TOP6BL: variants seen among roughly 807,000 people sequenced by gnomAD.
TOP6BL encodes the protein type 2 DNA topoisomerase 6 subunit B-like.
the TOP6BL span, among the ~76,000 whole-genome samples, chr11:66,798,035 G>A: frequency 9.9e-5 from 15 of 152,144 alleles, no homozygotes; most frequent in African/African-American, 3.1e-4. Flanking sequence ...ATCATCATCC[G>A]CATTTTGTAG....
At chr11:66,821,776 T>C in the TOP6BL span, 6 of 1,612,396 alleles carry the variant, frequency 3.7e-6, no homozygotes, top group Non-Finnish European at 5.1e-6. Flanking sequence ...TAATAAGGAA[T>C]TCACAGCCTC....
the TOP6BL span, among the ~76,000 whole-genome samples, chr11:66,802,277 T>A: frequency 6.6e-6 from 1 of 152,176 alleles, no homozygotes; most frequent in African/African-American, 2.4e-5. Context: ...CTCAATCTCC[T>A]GAGTAGCTGG....
At chr11:66,800,929 A>G in the TOP6BL span, 11 of 1,249,056 alleles carry the variant, frequency 8.8e-6, no homozygotes, top group Admixed American at 2.0e-5. Context: ...ACTGAATTCT[A>G]GTAATCGCTG....
At chr11:66,842,841 T>C in the TOP6BL span, 2 of 1,554,318 alleles carry the variant, frequency 1.3e-6, no homozygotes, top group Middle Eastern at 1.8e-4. Flanking sequence ...GGCTTGTTTT[T>C]CTCCTAGATA....
At chr11:66,788,897 A>G in the TOP6BL span, among the ~76,000 whole-genome samples, 1 of 152,110 alleles carries the variant, frequency 6.6e-6, no homozygotes, top group Non-Finnish European at 1.5e-5. Context: ...AGCTGGGACT[A>G]CAGGTGGGAA....
chr11:66,805,391 G>A, the TOP6BL span, among the ~76,000 whole-genome samples: 2 of 152,040 alleles, frequency 1.3e-5, no homozygotes, highest in African/African-American at 4.8e-5. Context: ...AATGTCTAAG[G>A]TTGATGTCAG....
At chr11:66,759,440 G>A in the TOP6BL span, among the ~76,000 whole-genome samples, 1 of 152,060 alleles carries the variant, frequency 6.6e-6, no homozygotes, top group Admixed American at 6.6e-5. Context: ...AATTTTAGTA[G>A]GTATTTGTTT....
chr11:66,843,125 C>G, the TOP6BL span: 1 of 1,604,456 alleles, frequency 6.2e-7, no homozygotes, highest in African/African-American at 1.3e-5. Context: ...AGGCCACGGG[C>G]CGCTGCTGAG....
At chr11:66,788,990 C>A in the TOP6BL span, among the ~76,000 whole-genome samples, 6 of 152,102 alleles carry the variant, frequency 3.9e-5, no homozygotes, top group Non-Finnish European at 8.8e-5. Flanking sequence ...ACCCTTGTGA[C>A]CTCATTTAAT....
chr11:66,818,294 C>T, the TOP6BL span, among the ~76,000 whole-genome samples: 1 of 152,188 alleles, frequency 6.6e-6, no homozygotes, highest in Non-Finnish European at 1.5e-5. Context: ...ATAAGGCAAA[C>T]TTTTCCCTGC....
At chr11:66,763,300 A>G in the TOP6BL span, among the ~76,000 whole-genome samples, 4 of 152,122 alleles carry the variant, frequency 2.6e-5, no homozygotes, top group Admixed American at 1.3e-4. Flanking sequence ...CTCTGAATCT[A>G]CCTTCCAACT....
At chr11:66,804,286 A>G in the TOP6BL span, 1 of 964,836 alleles carries the variant, frequency 1.0e-6, no homozygotes, top group South Asian at 1.9e-5. Context: ...TTCTGCATCT[A>G]CAAATATATA....
the TOP6BL span, among the ~76,000 whole-genome samples, chr11:66,797,386 A>G: frequency 6.6e-6 from 1 of 151,542 alleles, no homozygotes; most frequent in Non-Finnish European, 1.5e-5. Flanking sequence ...ACTTTTTTTT[A>G]TTGCTTTATT....
chr11:66,821,735 G>T, the TOP6BL span: 1 of 1,613,460 alleles, frequency 6.2e-7, no homozygotes, highest in Non-Finnish European at 8.5e-7. Flanking sequence ...TGTGGACAAG[G>T]TCTTGGAGCA....
the TOP6BL span, among the ~76,000 whole-genome samples, chr11:66,811,796 C>G: frequency 6.6e-6 from 1 of 152,070 alleles, no homozygotes; most frequent in East Asian, 1.9e-4. Flanking sequence ...AAATTCCTGG[C>G]AGGCATGGTG....
At chr11:66,828,179 A>C in the TOP6BL span, 3 of 840,294 alleles carry the variant, frequency 3.6e-6, no homozygotes, top group South Asian at 1.5e-5. Context: ...CTGCCTCCTC[A>C]TCTCCCTGTA....
the TOP6BL span, chr11:66,748,590 A>G: frequency 1.7e-6 from 2 of 1,182,918 alleles, no homozygotes; most frequent in African/African-American, 1.6e-5. Flanking sequence ...TAAAAATTTC[A>G]ATTAGAATCT....
the TOP6BL span, chr11:66,796,275 T>C: frequency 1.2e-6 from 2 of 1,602,256 alleles, no homozygotes; most frequent in Non-Finnish European, 1.7e-6. Context: ...TGTTGTATTA[T>C]TACAGGTTGA....
the TOP6BL span, among the ~76,000 whole-genome samples, chr11:66,774,692 C>CG: frequency 3.3e-5 from 5 of 152,040 alleles, no homozygotes; most frequent in Middle Eastern, 0.01. Context: ...AGGATGGTCT[C>CG]GATCTCCTGA....
Sources: gnomAD v4.1 joint callset for allele counts (sites outside exome capture counted in the v4.1 genomes callset) on GRCh38, gnomAD v4.1.1 for gene constraint, MANE v1.5 for transcripts, NCBI Gene and HGNC (gene_info 2026-07-23, HGNC 2026-07-21) for gene names.